The following DOK5 variants were observed in gnomAD, a reference collection of about 807,000 sequenced individuals.
DOK5 encodes downstream of tyrosine kinase 5.
A neutral mutation model predicts 43.3 loss-of-function variants in DOK5; 27 were observed. The observed-to-expected ratio is 0.62, with a 90% CI of 0.46 to 0.86. The LOEUF is 0.86. DOK5 is among the 40% of genes least tolerant of loss of function. The pLI, the probability that DOK5 is intolerant of heterozygous loss-of-function variation, is 0.00. For missense variants in DOK5, 373 were observed against 392.9 expected (o/e 0.95, Z 0.43); for synonymous variants, 146 against 140.1 (o/e 1.04, Z -0.30).
In DOK5 at chr20:54,643,556, G is replaced by A. The variant is rs774180929; in HGVS notation, c.834G>A (p.Thr278=). Residue 278 remains threonine (T), a synonymous_variant, in exon 7 of 8, where the codon ACG becomes ACA. Transcript: ENST00000262593. ...AGCACATCACACGGCAGCACAGCAC[G>A]GGACAGCTCTACCGCTTGCAAGGTA... is the stretch of plus-strand genomic sequence containing the variant. ...YWQHITRQHS[T]GQLYRLQDVS... The A allele has an allele frequency of 3.1e-6, 5 of 1,613,070 alleles. No individual in the cohort carries two copies. In the Admixed American group the frequency reaches 5.0e-5, roughly 16 times the overall value.
intron 1 of DOK5, among the ~76,000 whole-genome samples, chr20:54,493,058 C>T (rs1360812556): frequency 1.8e-5 from 2 of 110,468 alleles, no homozygotes; most frequent in African/African-American, 4.0e-5. Flanking sequence ...CTGTCCCCCT[C>T]CAAAAAAAAA....
At chr20:54,589,910 T>C (rs1372133246) in intron 4 of DOK5, among the ~76,000 whole-genome samples, 5 of 151,900 alleles carry the variant, frequency 3.3e-5, no homozygotes, top group African/African-American at 1.2e-4. Context: ...GATTGGAAAA[T>C]TGAGCTACAG....
intron 1 of DOK5, among the ~76,000 whole-genome samples, chr20:54,533,577 G>A (rs564702620): frequency 6.6e-6 from 1 of 152,106 alleles, no homozygotes; most frequent in Admixed American, 6.5e-5. Context: ...TAAGTATTGG[G>A]TACCTTATAC....
At chr20:54,588,150 C>G (rs1281891537) in intron 2 of DOK5, among the ~76,000 whole-genome samples, 1 of 151,828 alleles carries the variant, frequency 6.6e-6, no homozygotes. Flanking sequence ...GACATAAGAA[C>G]TATTGGTCAA....
intron 1 of DOK5, among the ~76,000 whole-genome samples, chr20:54,535,216 C>G (rs533083061): frequency 6.6e-6 from 1 of 152,218 alleles, no homozygotes; most frequent in Admixed American, 6.5e-5. Flanking sequence ...CCCTTAAATT[C>G]TTGGCTTAAA....
At chr20:54,571,720 C>T (rs533936245) in intron 2 of DOK5, among the ~76,000 whole-genome samples, 20 of 152,166 alleles carry the variant, frequency 1.3e-4, no homozygotes, top group Non-Finnish European at 2.8e-4. Context: ...GTTCCATTTG[C>T]CTGCTTAAGC....
chr20:54,573,343 G>GAA (rs760852734), intron 2 of DOK5, among the ~76,000 whole-genome samples: 7 of 152,140 alleles, frequency 4.6e-5, no homozygotes, highest in Non-Finnish European at 7.4e-5. Flanking sequence ...CCACATAAAT[G>GAA]AAATGGATTT....
chr20:54,574,262 CT>C (rs1985386097), intron 2 of DOK5, among the ~76,000 whole-genome samples: 1 of 152,036 alleles, frequency 6.6e-6, no homozygotes, highest in Non-Finnish European at 1.5e-5. Context: ...AGATAGACAC[CT>C]GTATCCACCT....
At chr20:54,610,716 A>G (rs1016175811) in intron 6 of DOK5, among the ~76,000 whole-genome samples, 193 bp downstream of exon 6, 1 of 152,260 alleles carries the variant, frequency 6.6e-6, no homozygotes, top group African/African-American at 2.4e-5. Flanking sequence ...TTGGCCATAC[A>G]TCCCCATTAT....
chr20:54,601,371 T>A (rs73144068), intron 5 of DOK5, among the ~76,000 whole-genome samples: 1 of 152,366 alleles, frequency 6.6e-6, no homozygotes, highest in Non-Finnish European at 1.5e-5. Context: ...GTGAAAATGC[T>A]TTCTTCACAC....
At chr20:54,582,958 G>A (rs6127230) in intron 2 of DOK5, among the ~76,000 whole-genome samples, 2 of 151,680 alleles carry the variant, frequency 1.3e-5, no homozygotes, top group Non-Finnish European at 2.9e-5. Context: ...TGTAAATTTA[G>A]GTTGTTTACT....
chr20:54,561,330 C>A (rs1984896742), intron 2 of DOK5, among the ~76,000 whole-genome samples: 1 of 152,296 alleles, frequency 6.6e-6, no homozygotes, highest in South Asian at 2.1e-4. Flanking sequence ...TAGTTGGAGA[C>A]AAGGCAACCC....
intron 2 of DOK5, among the ~76,000 whole-genome samples, chr20:54,582,388 C>T (rs1239710480): frequency 2.6e-5 from 4 of 151,552 alleles, no homozygotes; most frequent in Non-Finnish European, 1.5e-5. Context: ...AATTTGGAAG[C>T]GTTCCTTCCT....
intron 4 of DOK5, among the ~76,000 whole-genome samples, chr20:54,589,039 T>TG (rs1428487613): frequency 6.6e-6 from 1 of 152,220 alleles, no homozygotes; most frequent in East Asian, 1.9e-4. Context: ...TTAGAAATTT[T>TG]GGGGAACCTG....
intron 1 of DOK5, among the ~76,000 whole-genome samples, chr20:54,515,745 A>C (rs1293734047): frequency 6.6e-6 from 1 of 152,238 alleles, no homozygotes; most frequent in Admixed American, 6.5e-5. Context: ...TTACCAATGA[A>C]AAGTGGCATA....
chr20:54,603,322 G>A (rs986971487), intron 5 of DOK5, among the ~76,000 whole-genome samples: 2 of 152,184 alleles, frequency 1.3e-5, no homozygotes, highest in African/African-American at 4.8e-5. Flanking sequence ...GTACACACAC[G>A]GGGCACTAGG....
intron 2 of DOK5, among the ~76,000 whole-genome samples, chr20:54,582,885 T>G (rs1985685519): frequency 6.6e-6 from 1 of 152,036 alleles, no homozygotes; most frequent in Non-Finnish European, 1.5e-5. Context: ...TAATCTAATT[T>G]TTATTATTTC....
At chr20:54,508,980 G>A (rs953272837) in intron 1 of DOK5, among the ~76,000 whole-genome samples, 2 of 151,686 alleles carry the variant, frequency 1.3e-5, no homozygotes, top group Admixed American at 6.6e-5. Flanking sequence ...TGGTTCATGC[G>A]ATTCTCCTGT....
chr20:54,543,316 C>T lies in DOK5; in HGVS notation c.67-11617C>T, dbSNP rs368441154. 2.8e-3 allele frequency among the ~76,000 whole-genome samples: 176 copies of T among 62,010 alleles called. 1 individual carries two copies. Among genetic ancestry groups the T allele is most frequent in the African/African-American group, 0.011 (163 of 15,314 alleles). The allele number at this position is 62,010 out of a possible 152,430, so 40.7% of individuals were successfully genotyped here. On this transcript the variant is annotated intron_variant, in intron 1 of 7. Transcript: ENST00000262593. The stretch of plus-strand genomic sequence containing the variant: ...ATTCAAAAGGAGGCAAATCTAGCTT[C>T]GTGGACAGTGGGGGGTGGGGTGGGT...
Sources: gnomAD v4.1 joint callset for allele counts (sites outside exome capture counted in the v4.1 genomes callset) on GRCh38, gnomAD v4.1.1 for gene constraint, MANE v1.5 for transcripts, NCBI Gene and HGNC (gene_info 2026-07-23, HGNC 2026-07-21) for gene names.